The following ZNF687 variants were observed in gnomAD, a reference collection of about 807,000 sequenced individuals.
ZNF687 encodes the protein zinc finger protein 687.
Under a neutral mutation model 71.8 loss-of-function variants are expected in ZNF687, and 13 were observed. The ratio of observed to expected loss-of-function variants is 0.18; its 90% confidence interval spans 0.12 to 0.29. The LOEUF is 0.29. Ranked by LOEUF, ZNF687 falls within the 10% of genes least tolerant of loss-of-function variation. ZNF687 has a pLI of 1.00. For synonymous variants in ZNF687, 673 were observed against 641.6 expected (o/e 1.05, Z -0.74); for missense variants, 1,412 against 1,625.6 (o/e 0.87, Z 2.26).
rs1352092243 is a variant in ZNF687 at position 151,286,830 on chromosome 1, C to G, written c.539C>G (p.Ser180Cys). Reference protein sequence around the residue: ...PGDHSDPLPPSAPSPTREGAL... With the variant: ...PGDHSDPLPPCAPSPTREGAL... The stretch of plus-strand genomic sequence containing the variant: ...GACCACTCAGATCCGCTGCCTCCCT[C>G]TGCACCCTCTCCCACTCGGGAGGGG... Residue 180 changes from serine (S) to cysteine (C), a missense_variant, in exon 2 of 9, where the codon TCT (serine) becomes TGT (cysteine). Physicochemically the swap from Ser to Cys is moderately radical, Grantham distance 112. Coordinates refer to ENST00000336715, the MANE Select transcript of ZNF687 (RefSeq NM_020832.3). 1.2e-6 allele frequency: 2 copies of G among 1,614,210 alleles called. No homozygotes were observed. The highest frequency in any genetic ancestry group is 1.7e-6 in the Non-Finnish European group (2 of 1,180,020).
rs1250716075 is a variant in ZNF687, at chr1:151,286,612, C to G, written c.321C>G (p.Ala107=). 1 of 1,614,208 alleles carries G rather than the reference C, an allele frequency of 6.2e-7. No individual in the cohort carries two copies. Among genetic ancestry groups the G allele is most frequent in the South Asian group, 1.1e-5 (1 of 91,092 alleles). ...CTGGAGGCTCAGCAGGAGACGGGGC[C>G]CAGGCTGCTGGGGTAACTAAAGAAG... ...ALAGGSAGDG[A]QAAGVTKEGP... is the part of the protein sequence containing the mutation. The change falls in exon 2 of 9, where the codon GCC becomes GCG. Residue 107 remains alanine, a synonymous_variant. Coordinates refer to ENST00000336715, the MANE Select transcript of ZNF687 (RefSeq NM_020832.3).
intron 1 of ZNF687, chr1:151,283,779 G>T (rs971481777): frequency 1.0e-6 from 1 of 964,026 alleles, no homozygotes; most frequent in East Asian, 1.1e-4. Context: ...GTGAGGGGAG[G>T]ACTCCCCCTT....
intron 1 of ZNF687, among the ~76,000 whole-genome samples, chr1:151,282,753 GC>G (rs1007524129): frequency 6.6e-6 from 1 of 152,016 alleles, no homozygotes; most frequent in African/African-American, 2.4e-5. Context: ...CCTGGGCCAG[GC>G]CGGAGCAGAA....
rs1184194703 is a variant in ZNF687, at chr1:151,286,624, G to T, written c.333G>T (p.Gly111=). 31 of 1,614,052 alleles carry T rather than the reference G, an allele frequency of 1.9e-5. No individual in the cohort carries two copies. Among genetic ancestry groups the T allele is most frequent in the Non-Finnish European group, 2.4e-5 (28 of 1,180,034 alleles). The change falls in exon 2 of 9, where the codon GGG becomes GGT. Residue 111 remains glycine (G), a synonymous_variant. Coordinates refer to ENST00000336715, the MANE Select transcript of ZNF687 (RefSeq NM_020832.3). ...CAGGAGACGGGGCCCAGGCTGCTGG[G>T]GTAACTAAAGAAGGGCCTGTGGGGC... The part of the protein sequence containing the change: ...GSAGDGAQAA[G]VTKEGPVGPH...
In ZNF687 at chr1:151,288,354, T is replaced by C; in HGVS notation, c.2063T>C (p.Met688Thr). 6.2e-7 allele frequency: 1 copy of C among 1,610,258 alleles called. No homozygotes were observed. The highest frequency in any genetic ancestry group is 8.5e-7 in the Non-Finnish European group (1 of 1,179,720). Residue 688 changes from methionine to threonine, a missense_variant, in exon 2 of 9, where the codon ATG becomes ACG. Met to Thr is a moderately conservative substitution (Grantham distance 81). Coordinates refer to ENST00000336715, the MANE Select transcript of ZNF687 (RefSeq NM_020832.3). ...GAACAGTGCCGGGACAAGGCTGGCA[T>C]GGCAGCTCACTTCCAGCAGCTCGGC... ...CKEQCRDKAG[M>T]AAHFQQLGPP...
chr1:151,289,508 G>A lies in ZNF687; in HGVS notation c.2602G>A (p.Ala868Thr). Residue 868 changes from alanine (A) to threonine (T), a missense_variant, in exon 5 of 9, where the codon GCC (alanine) becomes ACC (threonine). This residue lies in a region of ZNF687 where 106 missense variants were observed against 146.0 expected (regional missense o/e 0.73). Transcript: ENST00000336715. ...FKCPSCPLLF[A>T]QKRTMLEHLK... is the part of the protein sequence containing the mutation. ...GTGCCCGTCTTGTCCTCTGCTCTTT[G>A]CCCAAAAAAGGACCATGCTGGAACA... The A allele has an allele frequency of 6.2e-7, 1 of 1,614,076 alleles. No homozygotes were observed. Among genetic ancestry groups the A allele is most frequent in the South Asian group, 1.1e-5 (1 of 91,092 alleles).
chr1:151,288,872 T>A (rs1360832228), intron 3 of ZNF687, among the ~76,000 whole-genome samples, 166 bp downstream of exon 3: 2 of 152,166 alleles, frequency 1.3e-5, no homozygotes, highest in Non-Finnish European at 2.9e-5. Flanking sequence ...TCGTCCCCCA[T>A]GGAGATGGGG....
chr1:151,283,334 A>C, intron 1 of ZNF687: 1 of 982,362 alleles, frequency 1.0e-6, no homozygotes, highest in Non-Finnish European at 1.2e-6. Flanking sequence ...TGGAGCCCCC[A>C]CTCGACCTGG....
Position 151,290,176 on chromosome 1 carries a change from A to G in ZNF687, c.3019A>G (p.Ser1007Gly). ...LCERSFCSAP[S>G]LRRHVRVNHE... ...TGAGCGCTCCTTCTGCTCCGCCCCC[A>G]GCCTGAGGCGCCATGTCAGAGTTAA... The change falls in exon 7 of 9, where the codon AGC (serine) becomes GGC (glycine). Residue 1007 changes from serine (S) to glycine (G), a missense_variant. Coordinates refer to ENST00000336715, the MANE Select transcript of ZNF687 (RefSeq NM_020832.3). The G allele has an allele frequency of 6.2e-7, 1 of 1,613,954 alleles. No individual in the cohort carries two copies. The highest frequency in any genetic ancestry group is 8.5e-7 in the Non-Finnish European group (1 of 1,180,012).
intron 2 of ZNF687, 54 bp from the exon 3 acceptor site, chr1:151,288,474 G>A: frequency 1.3e-6 from 2 of 1,579,466 alleles, no homozygotes; most frequent in Admixed American, 3.5e-5. Context: ...TTGGTTAGAA[G>A]TAATGGAGAC....
Position 151,291,308 on chromosome 1 carries a change from AT to A in ZNF687, c.*103del. On this transcript the variant is annotated 3_prime_UTR_variant, in exon 9 of 9. Transcript: ENST00000336715. ...CTGGGGAGTTTTCATTAACATTAAT[AT>A]TTTGTTAATTCCTGTCTCTCCAACC... 1.5e-6 allele frequency: 2 copies of A among 1,368,028 alleles called. No individual in the cohort carries two copies. The allele number at this position is 1,368,028 out of a possible 1,614,324, so 84.7% of individuals were successfully genotyped here. A position where few individuals can be genotyped will look rare whatever the true frequency, so the allele number is the denominator to read the frequency against.
At chr1:151,289,031 T>C (rs1694077742) in intron 3 of ZNF687, 64 bp from the exon 4 acceptor site, 16 of 1,536,192 alleles carry the variant, frequency 1.0e-5, no homozygotes, top group Middle Eastern at 1.7e-4. Flanking sequence ...AATAAATGTA[T>C]GGTCCCGGGG....
upstream of ZNF687, chr1:151,281,860 C>T (rs1006932611): frequency 1.4e-5 from 6 of 417,008 alleles, no homozygotes; most frequent in African/African-American, 1.0e-4. Flanking sequence ...GTGCCCACCA[C>T]ACAGAAGCTG....
intron 2 of ZNF687, 56 bp downstream of exon 2, chr1:151,288,462 G>A: frequency 6.3e-7 from 1 of 1,580,306 alleles, no homozygotes; most frequent in Non-Finnish European, 8.6e-7. Flanking sequence ...GGCGTTGGGG[G>A]CTTGGTTAGA....
upstream of ZNF687, chr1:151,281,644 C>A (rs1240312999): frequency 2.1e-6 from 1 of 469,516 alleles, no homozygotes; most frequent in Admixed American, 2.4e-5. Context: ...GGAGCTGAAC[C>A]GCGCGAGGAC....
chr1:151,289,599 C>G, intron 5 of ZNF687, 59 bp downstream of exon 5: 2 of 1,610,644 alleles, frequency 1.2e-6, no homozygotes, highest in Non-Finnish European at 1.7e-6. Flanking sequence ...GGGCTGGGGC[C>G]ACATACTTCA....
rs368292084 is a variant in ZNF687 at position 151,288,513 on chromosome 1, T to A, written c.2116-15T>A. 1.9e-6 allele frequency: 3 copies of A among 1,590,542 alleles called. No homozygotes were observed. In the African/African-American group the frequency reaches 4.0e-5, roughly 21 times the overall value. On this transcript the variant is annotated splice_polypyrimidine_tract_variant and intron_variant, in intron 2 of 8. Transcript: ENST00000336715. ...ACACTCCTCACCGACTTTCCTTGTT[T>A]AACCCACTCGACAGGTGTGCCCAAC...
In ZNF687 at chr1:151,284,707, G is replaced by A. The variant is rs184109794; in HGVS notation, c.-17-1568G>A. On this transcript the variant is annotated intron_variant, in intron 1 of 8. Transcript: ENST00000336715. ...CTTGGTTCATCTGGAATAGTAAATC[G>A]TATTCTTGGTGGGATTCTTACATTA... Among the ~76,000 whole-genome samples, 116 of 150,650 alleles carry A rather than the reference G, an allele frequency of 7.7e-4. 1 individual carries two copies. Among genetic ancestry groups the A allele is most frequent in the African/African-American group, 2.7e-3 (110 of 40,902 alleles).
At chr1:151,284,071 T>A (rs750036571) in intron 1 of ZNF687, 1 of 985,486 alleles carries the variant, frequency 1.0e-6, no homozygotes, top group Non-Finnish European at 1.2e-6. Context: ...GTGGGATTTT[T>A]AATTTTATTT....
Sources: allele counts gnomAD v4.1 joint callset (sites outside exome capture counted in the v4.1 genomes callset), GRCh38; gene constraint gnomAD v4.1.1; regional missense constraint gnomAD v4.1.1; transcripts MANE v1.5; gene names NCBI Gene and HGNC (gene_info 2026-07-23, HGNC 2026-07-21).